Variants in PCDH15 observed in about 807,000 individuals in gnomAD.
PCDH15 encodes the protein protocadherin-15.
A neutral mutation model predicts 178.5 loss-of-function variants in PCDH15; 129 were observed. That is an observed-to-expected ratio of 0.72 (90% confidence interval 0.63 to 0.84). PCDH15 has a LOEUF of 0.84. PCDH15 is among the 40% of genes least tolerant of loss of function. The pLI, the probability that PCDH15 is intolerant of heterozygous loss-of-function variation, is 0.00. For missense variants in PCDH15, 2,230 were observed against 2,099.9 expected (o/e 1.06, Z -1.21); for synonymous variants, 800 against 732.0 (o/e 1.09, Z -1.50).
At chr10:55,556,738 G>T (rs567107968) in intron 2 of PCDH15, among the ~76,000 whole-genome samples, 1 of 152,292 alleles carries the variant, frequency 6.6e-6, no homozygotes, top group South Asian at 2.1e-4. Context: ...CTACTTGGGA[G>T]GCTGAGGCAG....
intron 3 of PCDH15, among the ~76,000 whole-genome samples, chr10:54,892,536 T>A (rs981520611): frequency 6.6e-6 from 1 of 151,180 alleles, no homozygotes; most frequent in African/African-American, 2.4e-5. Context: ...ACAAAAAACA[T>A]TGAGATGCAT....
At chr10:54,350,852 C>T (rs1565046492) in intron 5 of PCDH15, among the ~76,000 whole-genome samples, 1 of 151,878 alleles carries the variant, frequency 6.6e-6, no homozygotes, top group Non-Finnish European at 1.5e-5. Flanking sequence ...GCCTGTAATC[C>T]CAACAATTTG....
intron 3 of PCDH15, among the ~76,000 whole-genome samples, chr10:54,835,059 A>G (rs1048468255): frequency 1.3e-5 from 2 of 152,198 alleles, no homozygotes; most frequent in Non-Finnish European, 2.9e-5. Flanking sequence ...ATTGGTAGTG[A>G]AAACCTATAC....
intron 2 of PCDH15, among the ~76,000 whole-genome samples, chr10:55,022,896 G>A (rs775258666): frequency 2.7e-5 from 4 of 149,504 alleles, no homozygotes; most frequent in African/African-American, 4.9e-5. Flanking sequence ...TATTTTTCAA[G>A]GCTCAGAAAA....
At chr10:54,519,288 G>A (rs990522437) in intron 3 of PCDH15, among the ~76,000 whole-genome samples, 18 of 152,122 alleles carry the variant, frequency 1.2e-4, no homozygotes, top group African/African-American at 2.4e-4. Flanking sequence ...GTTTGCAGAT[G>A]ACATGATTGT....
intron 8 of PCDH15, among the ~76,000 whole-genome samples, chr10:54,262,723 A>G (rs1194494729): frequency 6.6e-6 from 1 of 150,544 alleles, no homozygotes; most frequent in Non-Finnish European, 1.5e-5. Flanking sequence ...CTCATGGGGC[A>G]TGGGAGCTGG....
chr10:55,087,182 G>T (rs1281116473), intron 2 of PCDH15, among the ~76,000 whole-genome samples: 1 of 152,062 alleles, frequency 6.6e-6, no homozygotes, highest in Non-Finnish European at 1.5e-5. Context: ...GACTTTAGAT[G>T]AATGCCTTCA....
chr10:54,729,996 G>C (rs982300922), intron 1 of PCDH15, among the ~76,000 whole-genome samples: 1 of 151,338 alleles, frequency 6.6e-6, no homozygotes, highest in Non-Finnish European at 1.5e-5. Context: ...TTGGAGATTT[G>C]TCAAAGAACT....
At chr10:54,527,941 T>A in intron 2 of PCDH15, 64 bp from the exon 3 acceptor site, 2 of 1,237,300 alleles carry the variant, frequency 1.6e-6, no homozygotes, top group Non-Finnish European at 2.4e-6. Context: ...GAGAAAAAAA[T>A]TCATTGAGAT....
chr10:54,530,455 A>G (rs1317884971), intron 2 of PCDH15, among the ~76,000 whole-genome samples: 1 of 152,186 alleles, frequency 6.6e-6, no homozygotes, highest in African/African-American at 2.4e-5. Context: ...TCTCTCTCAC[A>G]AGAGCTTCTT....
intron 3 of PCDH15, among the ~76,000 whole-genome samples, chr10:54,448,784 T>A (rs1386395270): frequency 2.6e-5 from 4 of 151,748 alleles, no homozygotes; most frequent in Non-Finnish European, 1.5e-5. Context: ...GGCTAGAAAA[T>A]GTCTTACATG....
At chr10:55,472,800 C>T (rs757765447) in intron 2 of PCDH15, among the ~76,000 whole-genome samples, 11 of 152,168 alleles carry the variant, frequency 7.2e-5, no homozygotes, top group East Asian at 1.9e-4. Flanking sequence ...CATCTCCTGA[C>T]CTCGTGATCC....
intron 3 of PCDH15, among the ~76,000 whole-genome samples, chr10:54,408,021 C>G (rs1952914013): frequency 7.0e-6 from 1 of 142,246 alleles, no homozygotes; most frequent in African/African-American, 2.7e-5. Flanking sequence ...TGTCCCTGAA[C>G]TCCAGCCTGG....
At chr10:54,775,685 C>T (rs1287397073) in intron 1 of PCDH15, among the ~76,000 whole-genome samples, 2 of 152,038 alleles carry the variant, frequency 1.3e-5, no homozygotes, top group African/African-American at 4.8e-5. Context: ...ATCACGAGGT[C>T]AGGAGATCGA....
intron 18 of PCDH15, among the ~76,000 whole-genome samples, chr10:54,051,674 T>C (rs1366037811): frequency 6.6e-6 from 1 of 152,198 alleles, no homozygotes; most frequent in Non-Finnish European, 1.5e-5. Context: ...AAACTCATTT[T>C]CTGGGGAGAA....
At chr10:55,110,875 A>G (rs1837484717) in intron 2 of PCDH15, among the ~76,000 whole-genome samples, 1 of 152,136 alleles carries the variant, frequency 6.6e-6, no homozygotes, top group Non-Finnish European at 1.5e-5. Flanking sequence ...AATTATGACA[A>G]TGTTGTTGCA....
intron 2 of PCDH15, among the ~76,000 whole-genome samples, chr10:54,592,243 C>T (rs1431070084): frequency 1.3e-5 from 2 of 152,066 alleles, no homozygotes; most frequent in African/African-American, 4.8e-5. Flanking sequence ...CATTGTAGAG[C>T]TCACGTTTCC....
intron 2 of PCDH15, among the ~76,000 whole-genome samples, chr10:55,550,723 A>G (rs1206006610): frequency 1.3e-5 from 2 of 152,170 alleles, no homozygotes; most frequent in African/African-American, 4.8e-5. Context: ...CATCCACTGT[A>G]TATTTCAAGA....
chr10:54,467,789 T>A (rs971441538), intron 3 of PCDH15, among the ~76,000 whole-genome samples: 8 of 151,730 alleles, frequency 5.3e-5, no homozygotes, highest in Non-Finnish European at 1.2e-4. Context: ...AGTGAAGCAA[T>A]CCAGTCTCAA....
Sources: gnomAD v4.1 joint callset for allele counts (sites outside exome capture counted in the v4.1 genomes callset) on GRCh38, gnomAD v4.1.1 for gene constraint, MANE v1.5 for transcripts, NCBI Gene and HGNC (gene_info 2026-07-23, HGNC 2026-07-21) for gene names.